Variants in FOXP2 observed in about 807,000 individuals in gnomAD.
FOXP2 encodes the protein forkhead box P2.
In FOXP2, 12 loss-of-function variants were observed where a neutral mutation model predicts 115.8. The observed-to-expected ratio is 0.10, with a 90% CI of 0.07 to 0.17. The LOEUF is 0.17. FOXP2 is among the 10% of genes least tolerant of loss of function. FOXP2 has a pLI of 1.00. For missense variants in FOXP2, 629 were observed against 843.5 expected, an observed-to-expected ratio of 0.75 and a Z score of 3.15; for synonymous variants, 328 against 297.7, an observed-to-expected ratio of 1.10 and a Z score of -1.05.
intron 3 of FOXP2, among the ~76,000 whole-genome samples, chr7:114,539,464 A>C (rs1799552218): frequency 6.6e-6 from 1 of 151,944 alleles, no homozygotes; most frequent in Admixed American, 6.6e-5. Flanking sequence ...TGATGCCAGA[A>C]ATTTAGAAAT....
intron 16 of FOXP2, among the ~76,000 whole-genome samples, chr7:114,680,911 T>C (rs1808054282): frequency 6.6e-6 from 1 of 152,204 alleles, no homozygotes; most frequent in African/African-American, 2.4e-5. Context: ...GTCAAGAATT[T>C]CTTTCTTATT....
intron 2 of FOXP2, among the ~76,000 whole-genome samples, chr7:114,319,800 C>T (rs1467410056): frequency 6.6e-6 from 1 of 152,118 alleles, no homozygotes; most frequent in Non-Finnish European, 1.5e-5. Flanking sequence ...AAAATCTGGA[C>T]ATTTGTTATT....
chr7:114,413,044 G>T (rs1369195078), upstream of FOXP2, among the ~76,000 whole-genome samples: 1 of 152,018 alleles, frequency 6.6e-6, no homozygotes, highest in Non-Finnish European at 1.5e-5. Context: ...TATGTTAATT[G>T]CTACTACACT....
At position 114,544,830 on chromosome 7, in the gene FOXP2, A is replaced by G. The variant is rs1350814715; in HGVS notation, c.258+10124A>G. 2.6e-5 allele frequency among the ~76,000 whole-genome samples: 4 copies of G among 152,222 alleles called. No individual in the cohort carries two copies. In the South Asian group the frequency reaches 8.3e-4, roughly 32 times the overall value. ...CTATGACTAAAATTATAGTTTCTCA[A>G]AATCATGGCCATCATTTGAAGTTTT... On this transcript the variant is annotated intron_variant, in intron 3 of 16. Transcript: ENST00000350908.
In FOXP2 at chr7:114,268,726, GTGTGTA is replaced by G. The variant is rs1446987798; in HGVS notation, c.-101-19287_-101-19282del. On this transcript the variant is annotated intron_variant, in intron 1 of 17. Coordinates refer to the FOXP2 transcript ENST00000634411. ...TGTGTGTGTGTGTGTGTGTGTGTGT[GTGTGTA>G]TGTGTGTATTTTCCGTTAATCGTTT... Among the ~76,000 whole-genome samples, 1,203 of 151,834 alleles carry G rather than the reference GTGTGTA, an allele frequency of 7.9e-3. 13 individuals carry two copies. The highest frequency in any genetic ancestry group is 0.027 in the African/African-American group (1,113 of 41,330).
At chr7:114,290,923 G>A (rs1489073742) in intron 2 of FOXP2, among the ~76,000 whole-genome samples, 3 of 152,070 alleles carry the variant, frequency 2.0e-5, no homozygotes, top group Non-Finnish European at 4.4e-5. Context: ...CATTTAAAAA[G>A]TCAGTATTAT....
chr7:114,623,317 C>T (rs957212780), intron 3 of FOXP2, among the ~76,000 whole-genome samples: 3 of 151,836 alleles, frequency 2.0e-5, no homozygotes, highest in African/African-American at 4.8e-5. Context: ...GATTTCAGTT[C>T]GTCAGGATTA....
intron 2 of FOXP2, among the ~76,000 whole-genome samples, chr7:114,326,670 G>A (rs553181473): frequency 6.6e-6 from 1 of 152,226 alleles, no homozygotes; most frequent in African/African-American, 2.4e-5. Flanking sequence ...CTTCTGTACA[G>A]TATTTACCAG....
At position 114,380,769 on chromosome 7, in the gene FOXP2, A is replaced by G. The variant is rs562805702; in HGVS notation, c.-10-45733A>G. Among the ~76,000 whole-genome samples, 109 of 152,346 alleles carry G rather than the reference A, an allele frequency of 7.2e-4. 1 individual carries two copies. The South Asian group carries it at 0.021, about 29-fold the overall frequency. On this transcript the variant is annotated intron_variant, in intron 2 of 17. Transcript: ENST00000634411. Reference sequence around the variant, plus strand: ...CCACACAGTAAGATCTCTTCCCTGTATTATTTTAACTGCTTCAGATACTAA... The same window carrying G: ...CCACACAGTAAGATCTCTTCCCTGTGTTATTTTAACTGCTTCAGATACTAA...
At chr7:114,521,370 A>T (rs913540846) in intron 2 of FOXP2, among the ~76,000 whole-genome samples, 9 of 151,898 alleles carry the variant, frequency 5.9e-5, no homozygotes, top group Admixed American at 1.3e-4. Context: ...AACTCTACCA[A>T]AAACAAACAA....
At chr7:114,404,084 A>C (rs549738830) in intron 2 of FOXP2, among the ~76,000 whole-genome samples, 3 of 152,166 alleles carry the variant, frequency 2.0e-5, no homozygotes, top group Admixed American at 2.0e-4. Flanking sequence ...ATGGCTTACC[A>C]TTCATTAAAT....
intron 2 of FOXP2, among the ~76,000 whole-genome samples, chr7:114,491,563 A>G (rs1016846798): frequency 3.9e-5 from 6 of 152,020 alleles, no homozygotes; most frequent in Non-Finnish European, 8.8e-5. Context: ...TTGGTGTTTT[A>G]GACATGAAGT....
chr7:114,272,040 T>C (rs1796074241), intron 1 of FOXP2, among the ~76,000 whole-genome samples: 1 of 140,198 alleles, frequency 7.1e-6, no homozygotes, highest in Admixed American at 7.7e-5. Context: ...TAATATAATA[T>C]AAATATGTAT....
chr7:114,106,663 T>C (rs1791126264), intron 1 of FOXP2, among the ~76,000 whole-genome samples: 1 of 152,012 alleles, frequency 6.6e-6, no homozygotes, highest in African/African-American at 2.4e-5. Flanking sequence ...GGATACTGTC[T>C]TTATCTGAAC....
intron 3 of FOXP2, among the ~76,000 whole-genome samples, chr7:114,606,086 T>G (rs1348498279): frequency 6.6e-6 from 1 of 152,108 alleles, no homozygotes; most frequent in African/African-American, 2.4e-5. Context: ...TAGAAATGAT[T>G]GGGCAGTAGT....
chr7:114,366,520 A>C (rs1446775740), intron 2 of FOXP2: 1 of 152,126 alleles, frequency 6.6e-6, no homozygotes, highest in Non-Finnish European at 1.5e-5. Flanking sequence ...ACTCATATAT[A>C]TAGAAAGAGG....
At position 114,249,272 on chromosome 7, in the gene FOXP2, A is replaced by G. The variant is rs561742162; in HGVS notation, c.-101-38747A>G. Among the ~76,000 whole-genome samples, 4 of 152,226 alleles carry G rather than the reference A, an allele frequency of 2.6e-5. No individual in the cohort carries two copies. In the South Asian group the frequency reaches 8.3e-4, roughly 32 times the overall value. ...ATGTACAGGTTTGTTACATAGGTAA[A>G]CGTGTGCCATGGTGGTTTGCTGCAC... On this transcript the variant is annotated intron_variant, in intron 1 of 17. Transcript: ENST00000634411.
intron 16 of FOXP2, among the ~76,000 whole-genome samples, chr7:114,670,719 A>G (rs1807446149): frequency 6.6e-6 from 1 of 152,098 alleles, no homozygotes; most frequent in Admixed American, 6.5e-5. Context: ...AGGCACATGT[A>G]GAATTTGCAG....
At chr7:114,265,075 C>A (rs965116904) in intron 1 of FOXP2, among the ~76,000 whole-genome samples, 3 of 152,144 alleles carry the variant, frequency 2.0e-5, no homozygotes, top group African/African-American at 7.2e-5. Flanking sequence ...AATCTCATGT[C>A]CTTCTTACAT....
Sources: gnomAD v4.1 joint callset for allele counts (sites outside exome capture counted in the v4.1 genomes callset) on GRCh38, gnomAD v4.1.1 for gene constraint, MANE v1.5 for transcripts, NCBI Gene and HGNC (gene_info 2026-07-23, HGNC 2026-07-21) for gene names.